The following TTBK2 variants were observed in gnomAD, a reference collection of about 807,000 sequenced individuals.
The protein encoded by TTBK2 is tau-tubulin kinase 2.
In TTBK2, 28 loss-of-function variants were observed where a neutral mutation model predicts 110.8. That is an observed-to-expected ratio of 0.25 (90% CI 0.19 to 0.35). The LOEUF (loss-of-function observed/expected upper bound fraction) is 0.35. Among genes scored for constraint, TTBK2 ranks in the 10% least tolerant of loss-of-function variants. The pLI, the probability that TTBK2 is intolerant of heterozygous loss-of-function variation, is 1.00. For synonymous variants in TTBK2, 532 were observed against 527.3 expected (o/e 1.01, Z -0.12); for missense variants, 1,369 against 1,500.3 (o/e 0.91, Z 1.45).
At chr15:42,809,921 T>C (rs1891631408) in intron 9 of TTBK2, among the ~76,000 whole-genome samples, 1 of 152,240 alleles carries the variant, frequency 6.6e-6, no homozygotes, top group African/African-American at 2.4e-5. Flanking sequence ...TAACATGCAG[T>C]AAAGTCTATG....
chr15:42,861,048 A>G (rs745944557), intron 3 of TTBK2, among the ~76,000 whole-genome samples: 3 of 152,228 alleles, frequency 2.0e-5, no homozygotes, highest in Admixed American at 1.3e-4. Flanking sequence ...GGTTCAATGC[A>G]GTAAGACTTA....
At chr15:42,783,046 T>C (rs1404295729) in intron 11 of TTBK2, among the ~76,000 whole-genome samples, 1 of 152,224 alleles carries the variant, frequency 6.6e-6, no homozygotes, top group African/African-American at 2.4e-5. Context: ...CATTGTGGCA[T>C]ATCACATCGA....
intron 6 of TTBK2, among the ~76,000 whole-genome samples, chr15:42,820,718 G>A (rs966165360): frequency 4.6e-5 from 7 of 151,910 alleles, no homozygotes; most frequent in African/African-American, 1.2e-4. Flanking sequence ...AAAAGGGGTC[G>A]GGCCAGGCAC....
intron 1 of TTBK2, among the ~76,000 whole-genome samples, chr15:42,902,391 G>A (rs1486295383): frequency 4.0e-5 from 6 of 150,564 alleles, no homozygotes; most frequent in Non-Finnish European, 5.9e-5. Context: ...ATGATGGCAG[G>A]TGCCTCTAAT....
At chr15:42,849,152 G>GTT (rs926917589) in intron 3 of TTBK2, among the ~76,000 whole-genome samples, 2 of 143,686 alleles carry the variant, frequency 1.4e-5, no homozygotes, top group African/African-American at 2.5e-5. Context: ...CTGAGGCTCT[G>GTT]TTTTTTTTTT....
chr15:42,758,699 G>A (rs2061980920), intron 13 of TTBK2, among the ~76,000 whole-genome samples: 1 of 151,356 alleles, frequency 6.6e-6, no homozygotes, highest in Non-Finnish European at 1.5e-5. Context: ...GCAGCATGGA[G>A]GCACCCAGCC....
chr15:42,863,216 T>C (rs1417052072), intron 3 of TTBK2, among the ~76,000 whole-genome samples: 1 of 152,136 alleles, frequency 6.6e-6, no homozygotes, highest in East Asian at 1.9e-4. Flanking sequence ...TCAGTGAAGT[T>C]TCAGTATACA....
chr15:42,843,576 T>A (rs1224594601), intron 3 of TTBK2, among the ~76,000 whole-genome samples: 1 of 151,836 alleles, frequency 6.6e-6, no homozygotes, highest in Non-Finnish European at 1.5e-5. Flanking sequence ...CTGGCCAATA[T>A]GGTGAAACCC....
At chr15:42,869,120 C>T (rs1894506871) in intron 3 of TTBK2, among the ~76,000 whole-genome samples, 1 of 152,044 alleles carries the variant, frequency 6.6e-6, no homozygotes. Flanking sequence ...CAGGGTCTGG[C>T]TCCATTGCCC....
At chr15:42,868,736 C>T (rs1247463130) in intron 3 of TTBK2, among the ~76,000 whole-genome samples, 1 of 151,750 alleles carries the variant, frequency 6.6e-6, no homozygotes, top group African/African-American at 2.4e-5. Context: ...GTGGCACACA[C>T]CTGTGGTCCC....
intron 1 of TTBK2, among the ~76,000 whole-genome samples, chr15:42,914,713 CATTT>C (rs772271505): frequency 9.9e-5 from 15 of 152,260 alleles, no homozygotes; most frequent in Admixed American, 2.6e-4. Flanking sequence ...AATTTAAAAA[CATTT>C]ATTTTGTCAT....
At chr15:42,787,748 A>G (rs1890470054) in intron 10 of TTBK2, among the ~76,000 whole-genome samples, 1 of 152,162 alleles carries the variant, frequency 6.6e-6, no homozygotes. Context: ...ATAGATTCTG[A>G]TAAGTAGTGT....
At chr15:42,872,521 C>G (rs1894655608) in intron 3 of TTBK2, 90 bp downstream of exon 3, 3 of 1,485,634 alleles carry the variant, frequency 2.0e-6, no homozygotes, top group African/African-American at 2.8e-5. Context: ...TCAATTAGTA[C>G]TTAAAGAATG....
chr15:42,826,914 G>T (rs1223929543), intron 6 of TTBK2, among the ~76,000 whole-genome samples: 3 of 152,136 alleles, frequency 2.0e-5, no homozygotes, highest in African/African-American at 7.2e-5. Flanking sequence ...GGGCAGGAGA[G>T]AACTAGGGGG....
chr15:42,915,852 G>C (rs544394303), intron 1 of TTBK2, among the ~76,000 whole-genome samples: 1 of 152,034 alleles, frequency 6.6e-6, no homozygotes, highest in Non-Finnish European at 1.5e-5. Flanking sequence ...GAGGCTAAGG[G>C]GGGAGGACTG....
chr15:42,811,542 A>T, intron 8 of TTBK2, 146 bp downstream of exon 8: 1 of 647,738 alleles, frequency 1.5e-6, no homozygotes, highest in South Asian at 1.8e-5. Flanking sequence ...ATGTCAGCTC[A>T]CACAGAAAAA....
intron 7 of TTBK2, among the ~76,000 whole-genome samples, chr15:42,816,204 C>T (rs1234793906): frequency 2.1e-5 from 3 of 144,674 alleles, no homozygotes; most frequent in Non-Finnish European, 3.0e-5. Flanking sequence ...ACAACCTTCG[C>T]CTCCCAGGTT....
At chr15:42,800,906 AGT>A in intron 9 of TTBK2, 1 of 670,122 alleles carries the variant, frequency 1.5e-6, no homozygotes, top group Non-Finnish European at 2.7e-6. Context: ...TCCCCTGCAC[AGT>A]GGCCTCCCTC....
chr15:42,772,227 C>G (rs1889709939), intron 13 of TTBK2, among the ~76,000 whole-genome samples: 3 of 151,970 alleles, frequency 2.0e-5, no homozygotes, highest in African/African-American at 7.3e-5. Flanking sequence ...CTCTTCACCT[C>G]TCTTCCCCCA....
Sources: gnomAD v4.1 joint callset for allele counts (sites outside exome capture counted in the v4.1 genomes callset) on GRCh38, gnomAD v4.1.1 for gene constraint, MANE v1.5 for transcripts, NCBI Gene and HGNC (gene_info 2026-07-23, HGNC 2026-07-21) for gene names.